FRMD4A: variants seen among roughly 807,000 people sequenced by gnomAD.
FRMD4A encodes the protein FERM domain containing 4A, also known as FERM domain-containing protein 4A.
FRMD4A carries 29 observed loss-of-function variants against 129.1 expected under a neutral mutation model. That is an observed-to-expected ratio of 0.22 (90% CI 0.17 to 0.31). FRMD4A has a LOEUF of 0.31. Ranked by LOEUF, FRMD4A falls within the 10% of genes least tolerant of loss-of-function variation. The pLI is 1.00. For missense variants in FRMD4A, 1,272 were observed against 1,375.8 expected (o/e 0.92, Z 1.19); for synonymous variants, 634 against 571.6 (o/e 1.11, Z -1.56).
chr10:13,990,721 T>G (rs1449929344), intron 2 of FRMD4A, among the ~76,000 whole-genome samples: 1 of 152,132 alleles, frequency 6.6e-6, no homozygotes, highest in Non-Finnish European at 1.5e-5. Context: ...CGGTGACCTC[T>G]CCGATCTCCA....
chr10:14,089,630 C>CA (rs59553317), intron 2 of FRMD4A, among the ~76,000 whole-genome samples: 115,688 of 130,750 alleles, frequency 0.88, 51,559 homozygotes, highest in Middle Eastern at 0.93. Context: ...AAAAAAAAAA[C>CA]AAAAAAAAAC....
chr10:13,785,194 T>C (rs919393867), intron 5 of FRMD4A, among the ~76,000 whole-genome samples: 1 of 152,210 alleles, frequency 6.6e-6, no homozygotes, highest in African/African-American at 2.4e-5. Context: ...CTGTGATGAA[T>C]ACAATTCAAG....
At chr10:13,810,400 C>A (rs1407023020) in intron 4 of FRMD4A, among the ~76,000 whole-genome samples, 1 of 152,130 alleles carries the variant, frequency 6.6e-6, no homozygotes, top group Non-Finnish European at 1.5e-5. Context: ...TGAAACTGCA[C>A]AGGTTATTTT....
At chr10:14,205,168 AT>A (rs999343453) in intron 2 of FRMD4A, among the ~76,000 whole-genome samples, 3 of 150,808 alleles carry the variant, frequency 2.0e-5, no homozygotes, top group African/African-American at 4.9e-5. Flanking sequence ...AAAAAATTCT[AT>A]TTTTTTGTAA....
intron 2 of FRMD4A, among the ~76,000 whole-genome samples, chr10:13,896,436 G>C (rs911891904): frequency 6.6e-6 from 1 of 152,044 alleles, no homozygotes; most frequent in Non-Finnish European, 1.5e-5. Context: ...AACAAACACC[G>C]CATGTTCTCA....
intron 2 of FRMD4A, among the ~76,000 whole-genome samples, chr10:14,175,514 T>C (rs1186246893): frequency 7.2e-6 from 1 of 138,526 alleles, no homozygotes; most frequent in Non-Finnish European, 1.5e-5. Flanking sequence ...TAGTCTCCAG[T>C]TTGCTTCCTT....
intron 2 of FRMD4A, among the ~76,000 whole-genome samples, chr10:14,149,283 G>C (rs1840230170): frequency 6.6e-6 from 1 of 152,122 alleles, no homozygotes; most frequent in Admixed American, 6.5e-5. Flanking sequence ...TGGAGACACA[G>C]AAATACGTAG....
At chr10:14,200,031 T>G (rs1424254572) in intron 2 of FRMD4A, among the ~76,000 whole-genome samples, 1 of 146,142 alleles carries the variant, frequency 6.8e-6, no homozygotes, top group Non-Finnish European at 1.5e-5. Flanking sequence ...TTGTTTTGTT[T>G]TTTTTTTTTT....
In FRMD4A at chr10:13,902,888, C is replaced by A. The variant is rs536510992; in HGVS notation, c.46-43976G>T. On this transcript the variant is annotated intron_variant, in intron 2 of 24. Transcript: ENST00000357447. ...ACAAACAACAGATTCTTGAGTGTTACCCCCACTCCCATTTCCAACCCAGGT... is the reference window on the plus strand; with the variant it reads ...ACAAACAACAGATTCTTGAGTGTTAACCCCACTCCCATTTCCAACCCAGGT... Among the ~76,000 whole-genome samples the A allele has an allele frequency of 5.3e-5, 8 of 151,532 alleles. No homozygotes were observed. In the South Asian group the frequency reaches 1.5e-3, roughly 28 times the overall value.
At chr10:14,264,053 G>A (rs1004197904) in intron 2 of FRMD4A, among the ~76,000 whole-genome samples, 2 of 152,134 alleles carry the variant, frequency 1.3e-5, no homozygotes, top group Admixed American at 1.3e-4. Context: ...GAGTGTCTAC[G>A]AAAACTAATG....
intron 12 of FRMD4A, among the ~76,000 whole-genome samples, chr10:13,725,954 A>C (rs1042853761): frequency 6.6e-6 from 1 of 152,238 alleles, no homozygotes; most frequent in Non-Finnish European, 1.5e-5. Flanking sequence ...CAGATATAAA[A>C]AGAGAGGCAC....
At chr10:14,010,664 C>CTTTTTTTTTTTTTTTTTTTTTTTTT in intron 2 of FRMD4A, among the ~76,000 whole-genome samples, 1 of 76,428 alleles carries the variant, frequency 1.3e-5, no homozygotes, top group Non-Finnish European at 2.4e-5. Flanking sequence ...GAGTTTAGGT[C>CTTTTTTTTTTTTTTTTTTTTTTTTT]TTTTTTTTTT....
At chr10:13,782,486 C>T (rs1174466494) in intron 6 of FRMD4A, among the ~76,000 whole-genome samples, 1 of 150,670 alleles carries the variant, frequency 6.6e-6, no homozygotes, top group African/African-American at 2.4e-5. Flanking sequence ...CGCCTGTCAC[C>T]AGGCTGGAGT....
At chr10:14,237,747 T>A (rs1843880107) in intron 2 of FRMD4A, among the ~76,000 whole-genome samples, 1 of 152,220 alleles carries the variant, frequency 6.6e-6, no homozygotes, top group Admixed American at 6.5e-5. Context: ...AGCTACCAAC[T>A]GGTAGGCAAA....
At chr10:13,860,966 C>T (rs995669425) in intron 2 of FRMD4A, among the ~76,000 whole-genome samples, 1 of 152,152 alleles carries the variant, frequency 6.6e-6, no homozygotes, top group African/African-American at 2.4e-5. Context: ...ACCAACTCTC[C>T]AGGCTAAGAA....
In FRMD4A at chr10:13,762,087, T is replaced by C. The variant is rs191992718; in HGVS notation, c.442-418A>G. 4.1e-4 allele frequency among the ~76,000 whole-genome samples: 63 copies of C among 152,358 alleles called. No individual in the cohort carries two copies. In the East Asian group the frequency reaches 0.012, roughly 28 times the overall value. The stretch of plus-strand genomic sequence containing the variant: ...CTGGAGGTAGGGACCAGAGAAACTT[T>C]AGTGAATCCAGTATAATGCCCTGAA... On this transcript the variant is annotated intron_variant, in intron 7 of 24. Coordinates refer to ENST00000357447, the MANE Select transcript of FRMD4A (RefSeq NM_018027.5).
chr10:14,008,540 T>A, intron 2 of FRMD4A: 1 of 988,204 alleles, frequency 1.0e-6, no homozygotes, highest in Non-Finnish European at 1.2e-6. Flanking sequence ...CAGATGGTAA[T>A]CAGGTCAGTT....
At chr10:14,168,660 C>T (rs1260391307) in intron 2 of FRMD4A, among the ~76,000 whole-genome samples, 1 of 152,210 alleles carries the variant, frequency 6.6e-6, no homozygotes, top group African/African-American at 2.4e-5. Flanking sequence ...TATTCATTCA[C>T]ATATTTGTTT....
chr10:14,218,093 G>A (rs1267509360), intron 2 of FRMD4A, among the ~76,000 whole-genome samples: 1 of 152,214 alleles, frequency 6.6e-6, no homozygotes, highest in East Asian at 1.9e-4. Flanking sequence ...GCCTCCCAAA[G>A]TGCTGGGATT....
Sources: gnomAD v4.1 joint callset for allele counts (sites outside exome capture counted in the v4.1 genomes callset) on GRCh38, gnomAD v4.1.1 for gene constraint, MANE v1.5 for transcripts, NCBI Gene and HGNC (gene_info 2026-07-23, HGNC 2026-07-21) for gene names.